NEDD4: variants seen among roughly 807,000 people sequenced by gnomAD.
NEDD4 encodes NEDD4 E3 ubiquitin protein ligase, also known as E3 ubiquitin-protein ligase NEDD4.
Under a neutral mutation model 144.9 loss-of-function variants are expected in NEDD4, and 99 were observed. The observed-to-expected ratio is 0.68, with a 90% CI of 0.58 to 0.81. NEDD4 has a LOEUF of 0.81. NEDD4 is among the 30% of genes least tolerant of loss of function. The pLI, the probability that NEDD4 is intolerant of heterozygous loss-of-function variation, is 0.00. For missense variants in NEDD4, 985 were observed against 1,065.9 expected, an observed-to-expected ratio of 0.92 and a Z score of 1.06; for synonymous variants, 318 against 350.6, an observed-to-expected ratio of 0.91 and a Z score of 1.04.
chr15:55,912,801 T>C (rs2036317511), intron 5 of NEDD4, among the ~76,000 whole-genome samples: 1 of 152,152 alleles, frequency 6.6e-6, no homozygotes. Context: ...AGTCATTATA[T>C]AGCCTTTACA....
chr15:55,912,150 T>A (rs1202227442), intron 5 of NEDD4, among the ~76,000 whole-genome samples: 1 of 152,242 alleles, frequency 6.6e-6, no homozygotes, highest in African/African-American at 2.4e-5. Context: ...TATTTATAAA[T>A]TACATTGGTT....
intron 6 of NEDD4, among the ~76,000 whole-genome samples, chr15:55,873,002 T>A (rs1166982173): frequency 2.6e-5 from 4 of 152,202 alleles, no homozygotes; most frequent in African/African-American, 7.2e-5. Flanking sequence ...GAAGTATTTT[T>A]TCTCTTTCTT....
At chr15:55,907,022 G>A (rs1175578976) in intron 5 of NEDD4, among the ~76,000 whole-genome samples, 1 of 151,988 alleles carries the variant, frequency 6.6e-6, no homozygotes, top group African/African-American at 2.4e-5. Flanking sequence ...TTCAACCTGG[G>A]AGGCAGAGGT....
At chr15:55,925,406 T>C (rs1220354932) in intron 4 of NEDD4, among the ~76,000 whole-genome samples, 1 of 152,252 alleles carries the variant, frequency 6.6e-6, no homozygotes, top group Non-Finnish European at 1.5e-5. Flanking sequence ...TTTCAGAAAC[T>C]AGTGTTGTGA....
chr15:55,941,898 AACTGT>A (rs1230085603), intron 4 of NEDD4, among the ~76,000 whole-genome samples: 1 of 152,138 alleles, frequency 6.6e-6, no homozygotes, highest in Non-Finnish European at 1.5e-5. Context: ...CAATCCTTTT[AACTGT>A]ACTGAAACTC....
chr15:55,896,133 C>A (rs1221403318), intron 5 of NEDD4, among the ~76,000 whole-genome samples: 4 of 152,120 alleles, frequency 2.6e-5, no homozygotes, highest in Non-Finnish European at 5.9e-5. Flanking sequence ...CTATATTTTG[C>A]CCTCTCAAGC....
At chr15:55,846,324 C>A (rs1321156594) in intron 18 of NEDD4, among the ~76,000 whole-genome samples, 2 of 151,932 alleles carry the variant, frequency 1.3e-5, no homozygotes, top group Non-Finnish European at 2.9e-5. Context: ...AAACTGCAGG[C>A]AAAGGAGGAC....
At chr15:55,884,856 T>C (rs1432259609) in intron 5 of NEDD4, among the ~76,000 whole-genome samples, 1 of 152,014 alleles carries the variant, frequency 6.6e-6, no homozygotes, top group African/African-American at 2.4e-5. Context: ...TTTAAAGAAG[T>C]AGAGACAGAG....
intron 5 of NEDD4, among the ~76,000 whole-genome samples, chr15:55,921,179 C>A (rs1166146695): frequency 6.6e-6 from 1 of 152,044 alleles, no homozygotes; most frequent in East Asian, 1.9e-4. Flanking sequence ...ATAGGCAGGG[C>A]AAATATTGTT....
At chr15:55,981,227 G>C (rs2037798430) in intron 1 of NEDD4, among the ~76,000 whole-genome samples, 1 of 151,896 alleles carries the variant, frequency 6.6e-6, no homozygotes, top group Admixed American at 6.6e-5. Flanking sequence ...ATTTTTAGTA[G>C]AGACATATGT....
chr15:55,944,269 A>C (rs2037066245), intron 4 of NEDD4, among the ~76,000 whole-genome samples: 1 of 152,232 alleles, frequency 6.6e-6, no homozygotes, highest in Admixed American at 6.5e-5. Context: ...CTGGAAAAAC[A>C]GGACACTTCT....
rs1555410399 is a variant in NEDD4 at position 55,988,502 on chromosome 15, A to AAAG, written c.45+5008_45+5009insCTT. 1.0e-4 allele frequency among the ~76,000 whole-genome samples: 15 copies of AAAG among 148,684 alleles called. No individual in the cohort carries two copies. In the East Asian group the frequency reaches 2.5e-3, roughly 25 times the overall value. ...AAAAAAAAATTAAAAAAAAAAAAAA[A>AAAG]AAAAGAAAAACTGAGGAAATGTTAC... On this transcript the variant is annotated intron_variant, in intron 1 of 28. Coordinates refer to ENST00000435532, the MANE Select transcript of NEDD4 (RefSeq NM_006154.4).
At chr15:55,849,841 G>A (rs1318910720) in intron 14 of NEDD4, among the ~76,000 whole-genome samples, 33 of 149,124 alleles carry the variant, frequency 2.2e-4, no homozygotes, top group African/African-American at 7.7e-4. Flanking sequence ...TGCCCAGGCT[G>A]GAGTGCAGTG....
chr15:55,979,822 T>G (rs191435263), intron 1 of NEDD4, among the ~76,000 whole-genome samples: 1 of 152,184 alleles, frequency 6.6e-6, no homozygotes. Context: ...CATACTATCT[T>G]GTATCTGAGG....
chr15:55,931,241 A>C (rs543410426), intron 4 of NEDD4, among the ~76,000 whole-genome samples: 35 of 152,342 alleles, frequency 2.3e-4, no homozygotes, highest in South Asian at 4.1e-4. Flanking sequence ...TTGGAAATCA[A>C]CTTGGAACAT....
At chr15:55,853,339 G>C (rs1423567206) in intron 12 of NEDD4, among the ~76,000 whole-genome samples, 2 of 152,134 alleles carry the variant, frequency 1.3e-5, no homozygotes, top group Non-Finnish European at 2.9e-5. Flanking sequence ...CACGTGTCCT[G>C]TTTAACACAG....
chr15:55,972,093 C>T (rs1336033002), intron 1 of NEDD4, among the ~76,000 whole-genome samples: 4 of 152,166 alleles, frequency 2.6e-5, no homozygotes, highest in African/African-American at 9.6e-5. Flanking sequence ...GGGATTTAAT[C>T]AACATCAGAC....
chr15:55,875,001 C>T (rs2034941767), intron 5 of NEDD4, among the ~76,000 whole-genome samples: 1 of 151,094 alleles, frequency 6.6e-6, no homozygotes, highest in African/African-American at 2.4e-5. Flanking sequence ...GAAATCAACT[C>T]TCCTCAGGGA....
At position 55,886,523 on chromosome 15, in the gene NEDD4, T is replaced by C. The variant is rs147438262; in HGVS notation, c.292-12515A>G. On this transcript the variant is annotated intron_variant, in intron 5 of 28. Transcript: ENST00000435532. ...TGCTCACGCCTCTAATCCCAGCACT[T>C]TGGGAGGCCGAGGTGGGTGGATCAC... 1.8e-3 allele frequency among the ~76,000 whole-genome samples: 273 copies of C among 152,218 alleles called. 1 individual carries two copies. Among genetic ancestry groups the C allele is most frequent in the African/African-American group, 6.3e-3 (261 of 41,538 alleles).
Sources: allele counts gnomAD v4.1 joint callset (sites outside exome capture counted in the v4.1 genomes callset), GRCh38; gene constraint gnomAD v4.1.1; transcripts MANE v1.5; gene names NCBI Gene and HGNC (gene_info 2026-07-23, HGNC 2026-07-21).